The following RASAL2 variants were observed in gnomAD, a reference collection of about 807,000 sequenced individuals.
The protein encoded by RASAL2 is RAS protein activator like 2, also known as ras GTPase-activating protein nGAP.
A neutral mutation model predicts 128.9 loss-of-function variants in RASAL2; 58 were observed. The ratio of observed to expected loss-of-function variants is 0.45; its 90% CI spans 0.36 to 0.56. The LOEUF (loss-of-function observed/expected upper bound fraction) is 0.56, where lower values mean the gene tolerates loss of function less well. Ranked by LOEUF, RASAL2 falls within the 20% of genes least tolerant of loss-of-function variation. RASAL2 has a pLI of 0.00. For synonymous variants in RASAL2, 561 were observed against 580.8 expected (o/e 0.97, Z 0.49); for missense variants, 1,360 against 1,601.6 (o/e 0.85, Z 2.57).
chr1:178,280,887 C>A (rs1666748902), intron 1 of RASAL2, among the ~76,000 whole-genome samples: 1 of 151,890 alleles, frequency 6.6e-6, no homozygotes, highest in Non-Finnish European at 1.5e-5. Context: ...ATAGGATTGG[C>A]AAGGTGAAAT....
chr1:178,220,874 T>C (rs1663589642), intron 1 of RASAL2, among the ~76,000 whole-genome samples: 1 of 152,264 alleles, frequency 6.6e-6, no homozygotes, highest in Admixed American at 6.5e-5. Flanking sequence ...ATAAAGTTGC[T>C]ATAAACATTC....
At chr1:178,158,666 T>C (rs1443554216) in intron 1 of RASAL2, among the ~76,000 whole-genome samples, 3 of 152,226 alleles carry the variant, frequency 2.0e-5, no homozygotes, top group African/African-American at 7.2e-5. Flanking sequence ...AGAAGAATCG[T>C]TAGTATCATG....
chr1:178,405,884 A>G (rs554270362), intron 4 of RASAL2, among the ~76,000 whole-genome samples: 4 of 152,336 alleles, frequency 2.6e-5, no homozygotes, highest in Admixed American at 1.3e-4. Context: ...TAATCATACT[A>G]TGGTTATATA....
chr1:178,275,827 A>G (rs373930789), intron 1 of RASAL2, among the ~76,000 whole-genome samples: 1 of 152,214 alleles, frequency 6.6e-6, no homozygotes, highest in African/African-American at 2.4e-5. Context: ...AAGGGTGATA[A>G]TGAGCATAGT....
chr1:178,114,220 T>C (rs931766498), intron 1 of RASAL2, among the ~76,000 whole-genome samples: 23 of 152,304 alleles, frequency 1.5e-4, no homozygotes, highest in Non-Finnish European at 1.2e-4. Flanking sequence ...GTATAATGTT[T>C]AATGAAGTGG....
At chr1:178,320,075 T>C (rs1668682730) in intron 3 of RASAL2, among the ~76,000 whole-genome samples, 1 of 151,916 alleles carries the variant, frequency 6.6e-6, no homozygotes. Flanking sequence ...AGTGTGCCCC[T>C]GCTGGGGGGT....
intron 1 of RASAL2, among the ~76,000 whole-genome samples, chr1:178,148,607 C>T (rs1660808536): frequency 6.6e-6 from 1 of 152,004 alleles, no homozygotes; most frequent in African/African-American, 2.4e-5. Flanking sequence ...CACCAGCATG[C>T]CTGGCTGCTT....
At position 178,441,581 on chromosome 1, in the gene RASAL2, C is replaced by T; in HGVS notation, c.861C>T (p.Ser287=). Residue 287 remains serine, a synonymous_variant, in exon 7 of 18, where the codon AGC becomes AGT. Coordinates refer to ENST00000367649, the MANE Select transcript of RASAL2 (RefSeq NM_170692.4). ...ACTTAAGTGGAAGTAAATGCTTCAGCTGTAATTCTGCTTCTGAGAGAGACA... is the reference window on the plus strand; with the variant it reads ...ACTTAAGTGGAAGTAAATGCTTCAGTTGTAATTCTGCTTCTGAGAGAGACA... ...VTYLSGSKCF[S]CNSASERDKW... is the part of the protein sequence containing the mutation. 2 of 1,612,602 alleles carry T rather than the reference C, an allele frequency of 1.2e-6. No individual in the cohort carries two copies. Among genetic ancestry groups the T allele is most frequent in the Non-Finnish European group, 1.7e-6 (2 of 1,179,074 alleles).
At chr1:178,405,631 T>G (rs1333391304) in intron 4 of RASAL2, among the ~76,000 whole-genome samples, 1 of 152,208 alleles carries the variant, frequency 6.6e-6, no homozygotes, top group Non-Finnish European at 1.5e-5. Flanking sequence ...ATAAGACAGA[T>G]TCTCCCCTAG....
chr1:178,104,309 T>A (rs948582513), intron 1 of RASAL2, among the ~76,000 whole-genome samples: 1 of 152,172 alleles, frequency 6.6e-6, no homozygotes, highest in African/African-American at 2.4e-5. Flanking sequence ...ATTTCAAGAT[T>A]TTCTATTCTG....
chr1:178,360,102 G>T (rs996699476), intron 3 of RASAL2, among the ~76,000 whole-genome samples: 1 of 152,004 alleles, frequency 6.6e-6, no homozygotes, highest in Non-Finnish European at 1.5e-5. Flanking sequence ...TTTACTTTCA[G>T]TAATTAAAGT....
At chr1:178,455,877 A>C (rs2102901970) in intron 12 of RASAL2, among the ~76,000 whole-genome samples, 1 of 152,364 alleles carries the variant, frequency 6.6e-6, no homozygotes, top group Admixed American at 6.5e-5. Context: ...AAATGGATAA[A>C]GCAAGTATTA....
intron 5 of RASAL2, 27 bp from the exon 6 acceptor site, chr1:178,439,395 A>G: frequency 6.3e-7 from 1 of 1,584,280 alleles, no homozygotes; most frequent in Non-Finnish European, 8.6e-7. Flanking sequence ...AAGTTACACT[A>G]CCTTAAATAT....
intron 14 of RASAL2, among the ~76,000 whole-genome samples, chr1:178,458,967 A>C (rs565819667): frequency 6.6e-6 from 1 of 152,242 alleles, no homozygotes; most frequent in Non-Finnish European, 1.5e-5. Flanking sequence ...CAAGAGTTTA[A>C]TATGACTGCT....
At chr1:178,288,742 C>T (rs1667148288) in intron 2 of RASAL2, among the ~76,000 whole-genome samples, 1 of 147,162 alleles carries the variant, frequency 6.8e-6, no homozygotes, top group South Asian at 2.2e-4. Flanking sequence ...TCTCCGCCTC[C>T]TGGGTTCAAG....
intron 1 of RASAL2, among the ~76,000 whole-genome samples, chr1:178,276,032 A>G (rs1440214173): frequency 1.3e-5 from 2 of 152,190 alleles, no homozygotes; most frequent in East Asian, 3.8e-4. Flanking sequence ...ACCATTTCTG[A>G]CCTAATGACT....
chr1:178,186,975 C>T (rs1662325999), intron 1 of RASAL2, among the ~76,000 whole-genome samples: 1 of 151,728 alleles, frequency 6.6e-6, no homozygotes, highest in Admixed American at 6.6e-5. Context: ...AAGCATGTGC[C>T]ACCATGCCTT....
At chr1:178,154,380 C>G (rs909615389) in intron 1 of RASAL2, among the ~76,000 whole-genome samples, 1 of 152,052 alleles carries the variant, frequency 6.6e-6, no homozygotes, top group Non-Finnish European at 1.5e-5. Flanking sequence ...AACTCCCGGG[C>G]TCAAGCAGTC....
rs1313895996 is a variant in RASAL2 at position 178,458,284 on chromosome 1, C to G, written c.2992C>G (p.Leu998Val). 1 of 1,614,146 alleles carries G rather than the reference C, an allele frequency of 6.2e-7. No homozygotes were observed. Among genetic ancestry groups the G allele is most frequent in the Non-Finnish European group, 8.5e-7 (1 of 1,180,066 alleles). Residue 998 changes from leucine (L) to valine (V), a missense_variant, in exon 14 of 18, where the codon CTT (leucine) becomes GTT (valine). Leu to Val is a conservative substitution (Grantham distance 32). Coordinates refer to ENST00000367649, the MANE Select transcript of RASAL2 (RefSeq NM_170692.4). ...CACGGTGCCAGATAGACACATACCT[C>G]TTGCTTTGCCACGACAAAATAGTAC... is the stretch of plus-strand genomic sequence containing the variant. Reference protein sequence around the residue: ...RHTVPDRHIPLALPRQNSTGQ... With the variant: ...RHTVPDRHIPVALPRQNSTGQ...
Sources: gnomAD v4.1 joint callset for allele counts (sites outside exome capture counted in the v4.1 genomes callset) on GRCh38, gnomAD v4.1.1 for gene constraint, MANE v1.5 for transcripts, NCBI Gene and HGNC (gene_info 2026-07-23, HGNC 2026-07-21) for gene names.